ARMC2: variants seen among roughly 807,000 people sequenced by gnomAD.
ARMC2 encodes the protein armadillo repeat-containing protein 2.
ARMC2 carries 67 observed loss-of-function variants against 90.3 expected under a neutral mutation model. The ratio of observed to expected loss-of-function variants is 0.74; its 90% CI spans 0.61 to 0.91. The LOEUF (loss-of-function observed/expected upper bound fraction) is 0.91, where lower values mean the gene tolerates loss of function less well. Among genes scored for constraint, ARMC2 ranks in the 40% least tolerant of loss-of-function variants. ARMC2 has a pLI of 0.00. For missense variants in ARMC2, 920 were observed against 1,030.9 expected (o/e 0.89, Z 1.47); for synonymous variants, 393 against 393.0 (o/e 1.00, Z 0.00).
intron 14 of ARMC2, 33 bp downstream of exon 14, chr6:108,961,727 T>C: frequency 6.4e-7 from 1 of 1,553,072 alleles, no homozygotes; most frequent in East Asian, 2.3e-5. Flanking sequence ...GATAAATGAG[T>C]GCTCATTTGA....
intron 11 of ARMC2, 105 bp from the exon 12 acceptor site, chr6:108,936,795 A>G (rs1361898898): frequency 8.7e-6 from 8 of 920,726 alleles, no homozygotes; most frequent in Non-Finnish European, 1.3e-5. Context: ...CTTTTCTTGA[A>G]CTGGGCAATG....
intron 6 of ARMC2, among the ~76,000 whole-genome samples, chr6:108,899,144 T>C (rs1771884856): frequency 6.6e-6 from 1 of 152,100 alleles, no homozygotes; most frequent in Non-Finnish European, 1.5e-5. Context: ...ACCATGTCCA[T>C]AGTGGAGTTG....
Position 108,912,417 on chromosome 6 carries a change from C to T in ARMC2, c.1209C>T (p.Phe403=). The change falls in exon 10 of 18, where the codon TTC becomes TTT. Residue 403 remains phenylalanine, a synonymous_variant. Coordinates refer to ENST00000392644, the MANE Select transcript of ARMC2 (RefSeq NM_032131.6). ...AFLYCMGSIK[F]ISGNLGFLNE... Reference sequence around the variant, plus strand: ...TATACTGTATGGGGTCTATAAAGTTCATTTCTGGAAATCTGGGATTTCTTA... The same window carrying T: ...TATACTGTATGGGGTCTATAAAGTTTATTTCTGGAAATCTGGGATTTCTTA... The T allele has an allele frequency of 6.2e-7, 1 of 1,613,822 alleles. No homozygotes were observed. The highest frequency in any genetic ancestry group is 8.5e-7 in the Non-Finnish European group (1 of 1,179,804).
At chr6:108,990,139 G>T in the ARMC2 span, among the ~76,000 whole-genome samples, 1 of 152,154 alleles carries the variant, frequency 6.6e-6, no homozygotes, top group Non-Finnish European at 1.5e-5. Flanking sequence ...TACAATGACT[G>T]CATTTTCAAT....
chr6:108,876,090 T>G, intron 4 of ARMC2, 53 bp from the exon 5 acceptor site: 1 of 1,336,654 alleles, frequency 7.5e-7, no homozygotes, highest in Non-Finnish European at 1.0e-6. Context: ...TGAAAGGTAG[T>G]GATTCCTAAA....
At chr6:108,896,115 A>T (rs145619273) in intron 6 of ARMC2, among the ~76,000 whole-genome samples, 7 of 152,284 alleles carry the variant, frequency 4.6e-5, no homozygotes, top group African/African-American at 1.7e-4. Flanking sequence ...AAAATCTTAG[A>T]TATACTAATT....
rs555528830 is a variant in ARMC2, at chr6:108,949,488, A to C, written c.1597-3545A>C. Among the ~76,000 whole-genome samples, 7 of 152,328 alleles carry C rather than the reference A, an allele frequency of 4.6e-5. No individual in the cohort carries two copies. The South Asian group carries it at 8.3e-4, about 18-fold the overall frequency. On this transcript the variant is annotated intron_variant, in intron 12 of 17. Coordinates refer to ENST00000392644, the MANE Select transcript of ARMC2 (RefSeq NM_032131.6). ...ATTAGGATTTTCAGAACTAGAATTCATATAGTCTTTCAGCAGGAAACATGT... is the reference window on the plus strand; with the variant it reads ...ATTAGGATTTTCAGAACTAGAATTCCTATAGTCTTTCAGCAGGAAACATGT...
At chr6:109,001,861 A>G in the ARMC2 span, among the ~76,000 whole-genome samples, 1 of 152,218 alleles carries the variant, frequency 6.6e-6, no homozygotes, top group South Asian at 2.1e-4. Context: ...AAAATTAACT[A>G]ATAGCATACA....
chr6:108,997,781 A>C, the ARMC2 span, among the ~76,000 whole-genome samples: 1,171 of 152,312 alleles, frequency 7.7e-3, 21 homozygotes, highest in African/African-American at 0.027. Flanking sequence ...CTGCTTCTAA[A>C]ATTTATTTTT....
chr6:108,994,662 A>G, the ARMC2 span: 1 of 1,323,494 alleles, frequency 7.6e-7, no homozygotes, highest in South Asian at 1.4e-5. Context: ...AATATATATG[A>G]ATTATCTTTT....
At chr6:109,022,095 A>C in the ARMC2 span, among the ~76,000 whole-genome samples, 1 of 151,662 alleles carries the variant, frequency 6.6e-6, no homozygotes, top group Non-Finnish European at 1.5e-5. Flanking sequence ...AACAACATCC[A>C]TATCTTCTTC....
chr6:108,921,496 A>G (rs1774562244), intron 10 of ARMC2, among the ~76,000 whole-genome samples: 1 of 138,520 alleles, frequency 7.2e-6, no homozygotes, highest in Admixed American at 7.4e-5. Flanking sequence ...ATAAATTCCA[A>G]GAAAAGCTTA....
At chr6:108,993,387 TATC>T in the ARMC2 span, among the ~76,000 whole-genome samples, 1 of 152,232 alleles carries the variant, frequency 6.6e-6, no homozygotes, top group African/African-American at 2.4e-5. Flanking sequence ...CTTTCTGGAC[TATC>T]ATCATGTTTA....
At chr6:108,925,029 G>C (rs1346913358) in intron 10 of ARMC2, among the ~76,000 whole-genome samples, 1 of 152,098 alleles carries the variant, frequency 6.6e-6, no homozygotes, top group Non-Finnish European at 1.5e-5. Context: ...CACAGAGGCT[G>C]GTCCCCTTCC....
At chr6:108,940,523 T>A (rs543167932) in intron 12 of ARMC2, among the ~76,000 whole-genome samples, 1 of 152,282 alleles carries the variant, frequency 6.6e-6, no homozygotes, top group South Asian at 2.1e-4. Flanking sequence ...CTTCTTATTA[T>A]ACAAATGGTG....
intron 6 of ARMC2, among the ~76,000 whole-genome samples, chr6:108,898,407 C>G (rs181582031): frequency 1.3e-5 from 2 of 152,266 alleles, no homozygotes; most frequent in South Asian, 4.2e-4. Context: ...CACCCTGCCC[C>G]GAGAGGGCAT....
Position 108,961,625 on chromosome 6 carries a change from A to G in ARMC2, c.1969A>G (p.Ile657Val). 6.2e-7 allele frequency: 1 copy of G among 1,612,574 alleles called. No individual in the cohort carries two copies. Among genetic ancestry groups the G allele is most frequent in the South Asian group, 1.1e-5 (1 of 90,936 alleles). Residue 657 changes from isoleucine to valine, a missense_variant, in exon 14 of 18, where the codon ATC becomes GTC. By Grantham distance (29) the Ile-to-Val change is conservative. Transcript: ENST00000392644. ...GCTGGTGATCAATGCTACAGCGACAATCAACAATTTATCTTACTACCAAGT... is the reference window on the plus strand; with the variant it reads ...GCTGGTGATCAATGCTACAGCGACAGTCAACAATTTATCTTACTACCAAGT... ...EELVINATAT[I>V]NNLSYYQVKN... is the part of the protein sequence containing the mutation.
downstream of ARMC2, among the ~76,000 whole-genome samples, chr6:108,978,552 T>G (rs1021957903): frequency 6.6e-6 from 1 of 152,206 alleles, no homozygotes; most frequent in African/African-American, 2.4e-5. Context: ...GATATCCTTG[T>G]TAAATTTCTG....
intron 17 of ARMC2, among the ~76,000 whole-genome samples, chr6:108,968,698 C>CA (rs560545431): frequency 0.026 from 3,903 of 152,162 alleles, 168 homozygotes; most frequent in African/African-American, 0.09. Flanking sequence ...AACAAACAAA[C>CA]AAACAAAAAC....
Sources: allele counts gnomAD v4.1 joint callset (sites outside exome capture counted in the v4.1 genomes callset), GRCh38; gene constraint gnomAD v4.1.1; transcripts MANE v1.5; gene names NCBI Gene and HGNC (gene_info 2026-07-23, HGNC 2026-07-21).